The following ADGRF5 variants were observed in gnomAD, a reference collection of about 807,000 sequenced individuals.
The protein encoded by ADGRF5 is G-protein coupled receptor 116.
A neutral mutation model predicts 132.3 loss-of-function variants in ADGRF5; 75 were observed. The ratio of observed to expected loss-of-function variants is 0.57; its 90% CI spans 0.47 to 0.69. ADGRF5 has a LOEUF of 0.69. Ranked by LOEUF, ADGRF5 falls within the 30% of genes least tolerant of loss-of-function variation. The pLI is 0.00. For missense variants in ADGRF5, 1,516 were observed against 1,630.6 expected, an observed-to-expected ratio of 0.93 and a Z score of 1.21; for synonymous variants, 629 against 597.6, an observed-to-expected ratio of 1.05 and a Z score of -0.77.
intron 1 of ADGRF5, among the ~76,000 whole-genome samples, chr6:46,918,139 G>T (rs1562238383): frequency 6.6e-6 from 1 of 152,200 alleles, no homozygotes; most frequent in Non-Finnish European, 1.5e-5. Flanking sequence ...ATCATGACCA[G>T]AGTCACACCA....
chr6:46,887,245 G>T (rs1335284610), intron 4 of ADGRF5, among the ~76,000 whole-genome samples: 1 of 152,120 alleles, frequency 6.6e-6, no homozygotes, highest in African/African-American at 2.4e-5. Flanking sequence ...AAAAAATTTG[G>T]GAAGCAAAAT....
At chr6:46,873,108 T>C (rs1012823721) in intron 10 of ADGRF5, among the ~76,000 whole-genome samples, 3 of 152,104 alleles carry the variant, frequency 2.0e-5, no homozygotes, top group East Asian at 1.9e-4. Context: ...TTCTAATTCT[T>C]CCAGGACATC....
intron 1 of ADGRF5, among the ~76,000 whole-genome samples, chr6:46,917,018 C>T (rs895238834): frequency 6.6e-6 from 1 of 152,204 alleles, no homozygotes; most frequent in South Asian, 2.1e-4. Context: ...CTTGCTTATT[C>T]ATTTGGTAAC....
intron 2 of ADGRF5, among the ~76,000 whole-genome samples, chr6:46,900,411 T>C (rs773130825): frequency 1.3e-5 from 2 of 152,238 alleles, no homozygotes; most frequent in Non-Finnish European, 2.9e-5. Flanking sequence ...GTTCTAAACT[T>C]GTACTCTCTG....
chr6:46,895,775 G>A (rs919992211), intron 3 of ADGRF5, among the ~76,000 whole-genome samples: 2 of 151,534 alleles, frequency 1.3e-5, no homozygotes, highest in African/African-American at 4.9e-5. Flanking sequence ...TTGGCCAGTT[G>A]ATATTTGTGT....
At chr6:46,937,021 C>T (rs1777867901) in intron 1 of ADGRF5, among the ~76,000 whole-genome samples, 1 of 152,196 alleles carries the variant, frequency 6.6e-6, no homozygotes. Flanking sequence ...TAATGAGAGG[C>T]AACCCATGGC....
intron 1 of ADGRF5, among the ~76,000 whole-genome samples, chr6:46,943,109 C>T (rs1778157885): frequency 6.6e-6 from 1 of 151,778 alleles, no homozygotes; most frequent in African/African-American, 2.4e-5. Flanking sequence ...GGAAAAAAAA[C>T]CTGGATTTAG....
rs1209772283 is a variant in ADGRF5 at position 46,859,216 on chromosome 6, G to A, written c.2687C>T (p.Ser896Phe). 2 of 1,614,012 alleles carry A rather than the reference G, an allele frequency of 1.2e-6. No individual in the cohort carries two copies. The highest frequency in any genetic ancestry group is 8.5e-7 in the Non-Finnish European group (1 of 1,179,994). Residue 896 changes from serine to phenylalanine, a missense_variant, in exon 17 of 21, where the codon TCT becomes TTT. This residue lies in a region of ADGRF5 where 571 missense variants were observed against 701.2 expected (regional missense o/e 0.81). Coordinates refer to ENST00000283296, the MANE Select transcript of ADGRF5 (RefSeq NM_001098518.2). ...SYLENLQSDS[S>F]IVTMAFPTLQ... ...AGTTGGGAAAGCCATGGTGACAATA[G>A]ACGAATCCGACTGCAAGTTTTCTAG...
rs1562175084 is a variant in ADGRF5, at chr6:46,877,306, T to TTCCTTCCTTCC, written c.1240+895_1240+896insGGAAGGAAGGA. ...TTCTTTCTTTCTCTCTCTCTCTCTC[T>TTCCTTCCTTCC]TTCCTTCCTTCCTTCCTTCTTTCTT... is the stretch of plus-strand genomic sequence containing the variant. On this transcript the variant is annotated intron_variant, in intron 10 of 20. Coordinates refer to ENST00000283296, the MANE Select transcript of ADGRF5 (RefSeq NM_001098518.2). Among the ~76,000 whole-genome samples, 15 of 77,196 alleles carry TTCCTTCCTTCC rather than the reference T, an allele frequency of 1.9e-4. 2 individuals are homozygous for TTCCTTCCTTCC. Among genetic ancestry groups the TTCCTTCCTTCC allele is most frequent in the East Asian group, 4.0e-4 (1 of 2,514 alleles). 50.6% of individuals were successfully genotyped at this position (77,196 alleles called of 152,430 possible). A position where few individuals can be genotyped will look rare whatever the true frequency, so the allele number is the denominator to read the frequency against.
intron 3 of ADGRF5, among the ~76,000 whole-genome samples, chr6:46,893,718 G>A (rs112027726): frequency 3.2e-4 from 49 of 152,220 alleles, no homozygotes; most frequent in African/African-American, 9.9e-4. Context: ...TTTGCCCCTG[G>A]CATTGTTTAT....
chr6:46,888,052 T>TCTGCCCAAGGGAAGAGGACCCAG (rs1581858707), intron 4 of ADGRF5: 8 of 303,610 alleles, frequency 2.6e-5, no homozygotes, highest in East Asian at 6.4e-5. Flanking sequence ...CAGTAGTTTA[T>TCTGCCCAAGGGAAGAGGACCCAG]TATGAAGGAC....
rs770030453 is a variant in ADGRF5, at chr6:46,878,422, A to T, written c.1037-17T>A. 7.0e-7 allele frequency: 1 copy of T among 1,432,094 alleles called. No individual in the cohort carries two copies. Among genetic ancestry groups the T allele is most frequent in the African/African-American group, 1.4e-5 (1 of 71,472 alleles). The allele number at this position is 1,432,094 out of a possible 1,614,324, so 88.7% of individuals were successfully genotyped here. On this transcript the variant is annotated splice_polypyrimidine_tract_variant and intron_variant, in intron 9 of 20. Transcript: ENST00000283296. ...CATATTCACCTGCATAAAATACACA[A>T]AATCATGTATTATTATAACACATGT...
chr6:46,883,125 A>C (rs1317822972), intron 6 of ADGRF5, among the ~76,000 whole-genome samples: 2 of 152,254 alleles, frequency 1.3e-5, no homozygotes, highest in Non-Finnish European at 2.9e-5. Flanking sequence ...TATCTGTCTT[A>C]GGTATGAATG....
At chr6:46,883,482 T>C (rs1403964873) in intron 6 of ADGRF5, 77 bp downstream of exon 6, 6 of 724,456 alleles carry the variant, frequency 8.3e-6, no homozygotes, top group African/African-American at 7.2e-5. Flanking sequence ...ATCCAAGCCA[T>C]GTTCATTGTG....
intron 4 of ADGRF5, chr6:46,886,785 C>A (rs1773109072): frequency 6.6e-6 from 1 of 152,188 alleles, no homozygotes; most frequent in Admixed American, 6.6e-5. Context: ...TTCACTTCCT[C>A]TTTTAGGCCA....
At chr6:46,892,080 T>A (rs1314153843) in intron 3 of ADGRF5, among the ~76,000 whole-genome samples, 1 of 151,736 alleles carries the variant, frequency 6.6e-6, no homozygotes, top group Non-Finnish European at 1.5e-5. Flanking sequence ...GGCTGTTGGC[T>A]TACTCTCGGA....
rs71536391 is a variant in ADGRF5, at chr6:46,877,225, C to CTCTTTCTTTCTT, written c.1240+965_1240+976dup. ...TTTGGTGAGTCCTAATTTATTTCCTCTCTTTCTTTCTTTCTTTCTTTCTTT... is the reference window on the plus strand; with the variant it reads ...TTTGGTGAGTCCTAATTTATTTCCTCTCTTTCTTTCTTTCTTTCTTTCTTTCTTTCTTTCTTT... On this transcript the variant is annotated intron_variant, in intron 10 of 20. Transcript: ENST00000283296. Among the ~76,000 whole-genome samples the CTCTTTCTTTCTT allele has an allele frequency of 1.2e-3, 157 of 131,768 alleles. 2 individuals are homozygous for CTCTTTCTTTCTT. Among genetic ancestry groups the CTCTTTCTTTCTT allele is most frequent in the East Asian group, 5.7e-3 (24 of 4,180 alleles). The allele number at this position is 131,768 out of a possible 152,430, so 86.4% of individuals were successfully genotyped here.
intron 1 of ADGRF5, among the ~76,000 whole-genome samples, chr6:46,947,943 G>A (rs771929496): frequency 3.3e-5 from 5 of 152,118 alleles, no homozygotes; most frequent in African/African-American, 7.2e-5. Context: ...GGGCAGGGGT[G>A]GTGATGGGGC....
intron 1 of ADGRF5, among the ~76,000 whole-genome samples, chr6:46,931,442 T>G (rs1207102323): frequency 6.6e-6 from 1 of 152,228 alleles, no homozygotes; most frequent in Non-Finnish European, 1.5e-5. Context: ...GTCTCCAGGT[T>G]GCCATAACCA....
Sources: gnomAD v4.1 joint callset for allele counts (sites outside exome capture counted in the v4.1 genomes callset) on GRCh38, gnomAD v4.1.1 for gene constraint, gnomAD v4.1.1 regional missense constraint, MANE v1.5 for transcripts, NCBI Gene and HGNC (gene_info 2026-07-23, HGNC 2026-07-21) for gene names.